The following TMTC1 variants were observed in gnomAD, a reference collection of about 807,000 sequenced individuals.
The protein encoded by TMTC1 is protein O-mannosyl-transferase TMTC1.
A neutral mutation model predicts 104.8 loss-of-function variants in TMTC1; 73 were observed. The ratio of observed to expected loss-of-function variants is 0.70; its 90% CI spans 0.58 to 0.85. The LOEUF (loss-of-function observed/expected upper bound fraction) is 0.85. Among genes scored for constraint, TMTC1 ranks in the 40% least tolerant of loss-of-function variants. TMTC1 has a pLI of 0.00. For synonymous variants in TMTC1, 434 were observed against 428.7 expected, an observed-to-expected ratio of 1.01 and a Z score of -0.15; for missense variants, 1,035 against 1,096.1, an observed-to-expected ratio of 0.94 and a Z score of 0.79.
intron 5 of TMTC1, among the ~76,000 whole-genome samples, chr12:29,667,521 C>A (rs1940331158): frequency 6.6e-6 from 1 of 152,078 alleles, no homozygotes; most frequent in South Asian, 2.1e-4. Flanking sequence ...GTTCTCTTAA[C>A]CATTCTGCAA....
chr12:29,732,160 A>C (rs1244748172), intron 5 of TMTC1, among the ~76,000 whole-genome samples: 1 of 152,230 alleles, frequency 6.6e-6, no homozygotes, highest in East Asian at 1.9e-4. Context: ...AGCAAATGAT[A>C]ATTGCAAAAT....
intron 5 of TMTC1, among the ~76,000 whole-genome samples, chr12:29,636,768 G>C (rs1565727627): frequency 2.0e-5 from 3 of 151,428 alleles, no homozygotes; most frequent in South Asian, 2.1e-4. Flanking sequence ...CAGTAAGCTG[G>C]GCATGGTACC....
chr12:29,556,052 C>CTT (rs34199321), intron 10 of TMTC1, among the ~76,000 whole-genome samples: 18,982 of 149,414 alleles, frequency 0.13, 1,445 homozygotes, highest in African/African-American at 0.22. Flanking sequence ...ATTTGTTAAC[C>CTT]TTTTTTTTTT....
At chr12:29,564,955 T>G (rs1488124594) in intron 9 of TMTC1, among the ~76,000 whole-genome samples, 1 of 152,128 alleles carries the variant, frequency 6.6e-6, no homozygotes, top group African/African-American at 2.4e-5. Context: ...GAGATCAGCC[T>G]TAGGCGTGAA....
intron 5 of TMTC1, among the ~76,000 whole-genome samples, chr12:29,648,825 TAATC>T (rs1255620535): frequency 6.6e-6 from 1 of 152,226 alleles, no homozygotes; most frequent in African/African-American, 2.4e-5. Context: ...TTTCAGTAGA[TAATC>T]AATGTAAAAA....
intron 7 of TMTC1, among the ~76,000 whole-genome samples, chr12:29,588,140 T>G (rs1007162966): frequency 6.6e-6 from 1 of 152,172 alleles, no homozygotes; most frequent in Non-Finnish European, 1.5e-5. Context: ...CTGAGGAGGA[T>G]GATTTGAGCT....
At chr12:29,511,531 C>T (rs769338160) in intron 17 of TMTC1, among the ~76,000 whole-genome samples, 6 of 152,060 alleles carry the variant, frequency 3.9e-5, no homozygotes, top group Non-Finnish European at 7.4e-5. Flanking sequence ...AAGACTCACC[C>T]AAAGGTAGTG....
chr12:29,684,157 C>T (rs1299691969), intron 5 of TMTC1, among the ~76,000 whole-genome samples: 5 of 152,000 alleles, frequency 3.3e-5, no homozygotes, highest in Admixed American at 1.3e-4. Flanking sequence ...CCTATCACTT[C>T]GAATAGGAAA....
chr12:29,541,918 A>C (rs929007855), intron 10 of TMTC1, among the ~76,000 whole-genome samples: 1 of 152,078 alleles, frequency 6.6e-6, no homozygotes, highest in African/African-American at 2.4e-5. Flanking sequence ...CGGCCTCCCA[A>C]AGTACTGGGA....
chr12:29,611,619 T>C (rs561155957), intron 6 of TMTC1, among the ~76,000 whole-genome samples: 2 of 152,290 alleles, frequency 1.3e-5, no homozygotes, highest in South Asian at 4.1e-4. Flanking sequence ...ATAGAAAAAG[T>C]TAGAAATGAA....
At chr12:29,748,517 G>A (rs1389044844) in intron 5 of TMTC1, among the ~76,000 whole-genome samples, 1 of 152,214 alleles carries the variant, frequency 6.6e-6, no homozygotes, top group Non-Finnish European at 1.5e-5. Context: ...GAGTCAAACA[G>A]TCTGGGTTCC....
intron 5 of TMTC1, among the ~76,000 whole-genome samples, chr12:29,666,815 G>A (rs1940305898): frequency 6.6e-6 from 1 of 152,140 alleles, no homozygotes; most frequent in African/African-American, 2.4e-5. Context: ...AATTGTAACT[G>A]TTTAACATTA....
intron 5 of TMTC1, among the ~76,000 whole-genome samples, chr12:29,656,319 G>GAGATAT (rs71444334): frequency 2.6e-4 from 36 of 139,374 alleles, no homozygotes; most frequent in Admixed American, 5.1e-4. Flanking sequence ...AATTTCCCTG[G>GAGATAT]ATATATATAT....
At position 29,590,475 on chromosome 12, in the gene TMTC1, T is replaced by TA. The variant is rs575318166; in HGVS notation, c.1251-6902_1251-6901insT. Among the ~76,000 whole-genome samples the TA allele has an allele frequency of 2.2e-4, 33 of 152,188 alleles. 1 individual carries two copies. In the East Asian group the frequency reaches 6.2e-3, roughly 29 times the overall value. On this transcript the variant is annotated intron_variant, in intron 7 of 17. Transcript: ENST00000539277. ...CAACTTTGTATCAGCCCACTCCCTG[T>TA]CCCCCCTTTGCCTTTAAAAATCCAC...
At chr12:29,523,701 GT>G (rs1446165243) in intron 11 of TMTC1, among the ~76,000 whole-genome samples, 1 of 152,120 alleles carries the variant, frequency 6.6e-6, no homozygotes, top group Non-Finnish European at 1.5e-5. Flanking sequence ...TTGTAAGATG[GT>G]TTTTTTAGGT....
rs1943883827 is a variant in TMTC1, at chr12:29,783,466, A to T, written c.286T>A (p.Cys96Ser). The T allele has an allele frequency of 7.5e-7, 1 of 1,334,714 alleles. No homozygotes were observed. The highest frequency in any genetic ancestry group is 1.9e-5 in the South Asian group (1 of 52,788). The allele number at this position is 1,334,714 out of a possible 1,614,324, so 82.7% of individuals were successfully genotyped here. Residue 96 changes from cysteine to serine, a missense_variant, in exon 1 of 18, where the codon TGC becomes AGC. Physicochemically the swap from Cys to Ser is moderately radical, Grantham distance 112. Coordinates refer to ENST00000539277, the MANE Select transcript of TMTC1 (RefSeq NM_001193451.2). This position sits in a 1 kb window ranked among gnomAD's most constrained non-coding sequence, Gnocchi z 4.7. Reference sequence around the variant, plus strand: ...GGGACTCACTTGAAGGTGAGGACGCAGAGCGGCCGGTAGGACTTGTGGCTG... The same window carrying T: ...GGGACTCACTTGAAGGTGAGGACGCTGAGCGGCCGGTAGGACTTGTGGCTG... ...NTSHKSYRPLCVLTFKLNIFL... is the reference protein window; with the variant it reads ...NTSHKSYRPLSVLTFKLNIFL...
chr12:29,666,426 G>C (rs1940290849), intron 5 of TMTC1, among the ~76,000 whole-genome samples: 1 of 151,382 alleles, frequency 6.6e-6, no homozygotes, highest in African/African-American at 2.4e-5. Context: ...GTAGAGACGG[G>C]GTTTCACTGT....
chr12:29,565,073 G>T (rs1056785724), intron 9 of TMTC1, among the ~76,000 whole-genome samples: 1 of 152,172 alleles, frequency 6.6e-6, no homozygotes, highest in African/African-American at 2.4e-5. Context: ...TTTATCCTAA[G>T]GAACTGGCTC....
chr12:29,618,466 C>T (rs1313611172), intron 6 of TMTC1, among the ~76,000 whole-genome samples: 1 of 152,064 alleles, frequency 6.6e-6, no homozygotes, highest in Non-Finnish European at 1.5e-5. Context: ...GACATATAAA[C>T]ATTAAAGCTC....
Sources: gnomAD v4.1 joint callset for allele counts (sites outside exome capture counted in the v4.1 genomes callset) on GRCh38, gnomAD v4.1.1 for gene constraint, Gnocchi (gnomAD v3.1) non-coding constraint, MANE v1.5 for transcripts, NCBI Gene and HGNC (gene_info 2026-07-23, HGNC 2026-07-21) for gene names.